MAST4: variants seen among roughly 807,000 people sequenced by gnomAD.
MAST4 encodes microtubule associated serine/threonine kinase family member 4, also known as microtubule-associated serine/threonine-protein kinase 4.
In MAST4, 89 loss-of-function variants were observed where a neutral mutation model predicts 162.7. The ratio of observed to expected loss-of-function variants is 0.55; its 90% CI spans 0.46 to 0.65. The LOEUF (loss-of-function observed/expected upper bound fraction) is 0.65. Ranked by LOEUF, MAST4 falls within the 30% of genes least tolerant of loss-of-function variation. The pLI is 0.00. For synonymous variants in MAST4, 1,479 were observed against 1,361.1 expected, an observed-to-expected ratio of 1.09 and a Z score of -1.91; for missense variants, 3,153 against 3,374.0, an observed-to-expected ratio of 0.93 and a Z score of 1.62.
chr5:66,816,220 T>G (rs915247869), intron 3 of MAST4, among the ~76,000 whole-genome samples: 1 of 152,158 alleles, frequency 6.6e-6, no homozygotes, highest in Admixed American at 6.5e-5. Flanking sequence ...AGATTTTTTT[T>G]TGTGATTCTT....
intron 4 of MAST4, among the ~76,000 whole-genome samples, chr5:67,002,657 T>C (rs1163149340): frequency 6.6e-6 from 1 of 152,176 alleles, no homozygotes; most frequent in Admixed American, 6.5e-5. Flanking sequence ...TGTGTAGACA[T>C]TGCGTGAAAG....
At chr5:67,009,012 C>T (rs1373402660) in intron 4 of MAST4, among the ~76,000 whole-genome samples, 2 of 152,074 alleles carry the variant, frequency 1.3e-5, no homozygotes, top group African/African-American at 4.8e-5. Flanking sequence ...GTTAGTAAAC[C>T]TGTACTCACC....
Position 66,756,748 on chromosome 5 carries a change from A to G in MAST4, c.364-2961A>G, listed in dbSNP as rs1753564748. Among the ~76,000 whole-genome samples the G allele has an allele frequency of 2.0e-5, 3 of 152,350 alleles. No individual in the cohort carries two copies. In the South Asian group the frequency reaches 6.2e-4, roughly 32 times the overall value. On this transcript the variant is annotated intron_variant, in intron 1 of 28. Coordinates refer to ENST00000403625, the MANE Select transcript of MAST4 (RefSeq NM_001164664.2). ...AGAAAGAATAGTAAAGCCACTGACAACAGAGCAAATTTGGAAAAATGATCT... is the reference window on the plus strand; with the variant it reads ...AGAAAGAATAGTAAAGCCACTGACAGCAGAGCAAATTTGGAAAAATGATCT...
chr5:67,155,225 C>T (rs1220866822), intron 26 of MAST4, among the ~76,000 whole-genome samples: 4 of 152,168 alleles, frequency 2.6e-5, no homozygotes, highest in Non-Finnish European at 4.4e-5. Flanking sequence ...CACTATCTTC[C>T]ATGCATAGGC....
chr5:66,816,194 T>C (rs1337121837), intron 3 of MAST4, among the ~76,000 whole-genome samples: 1 of 152,208 alleles, frequency 6.6e-6, no homozygotes, highest in Non-Finnish European at 1.5e-5. Flanking sequence ...TTTGTAAACT[T>C]TCTTGAAACA....
At chr5:66,970,013 G>A (rs960046621) in intron 4 of MAST4, among the ~76,000 whole-genome samples, 2 of 152,100 alleles carry the variant, frequency 1.3e-5, no homozygotes, top group East Asian at 1.9e-4. Context: ...TGTCATATAG[G>A]ATCAAATCTG....
At chr5:66,906,560 C>G (rs937789714) in intron 4 of MAST4, among the ~76,000 whole-genome samples, 1 of 152,146 alleles carries the variant, frequency 6.6e-6, no homozygotes, top group Non-Finnish European at 1.5e-5. Context: ...TACCACATGT[C>G]AAACATTCCA....
intron 2 of MAST4, among the ~76,000 whole-genome samples, chr5:66,777,362 A>G (rs1274390903): frequency 6.6e-6 from 1 of 152,212 alleles, no homozygotes; most frequent in African/African-American, 2.4e-5. Flanking sequence ...GCCTTTTGTC[A>G]GATGATAGGT....
chr5:66,985,131 C>G (rs116453830), intron 4 of MAST4, among the ~76,000 whole-genome samples: 5,075 of 152,108 alleles, frequency 0.033, 102 homozygotes, highest in Middle Eastern at 0.082. Context: ...CTGGAGGAGG[C>G]ATGACCAGAG....
chr5:66,684,596 C>T (rs535972420), intron 1 of MAST4, among the ~76,000 whole-genome samples: 1 of 152,302 alleles, frequency 6.6e-6, no homozygotes, highest in African/African-American at 2.4e-5. Context: ...GAATAAAAGT[C>T]AGGGTTGAAA....
chr5:67,139,205 C>T (rs1770069738), intron 19 of MAST4, among the ~76,000 whole-genome samples: 1 of 152,184 alleles, frequency 6.6e-6, no homozygotes, highest in African/African-American at 2.4e-5. Context: ...CGCAGGCCTG[C>T]CGTGCTGCTT....
Position 67,054,438 on chromosome 5 carries a change from A to C in MAST4, c.709A>C (p.Asn237His). 1 of 1,610,930 alleles carries C rather than the reference A, an allele frequency of 6.2e-7. No homozygotes were observed. Among genetic ancestry groups the C allele is most frequent in the Non-Finnish European group, 8.5e-7 (1 of 1,178,640 alleles). ...AAGCAACCGGAAAAGCTTAATAGGC[A>C]ATGGGCAGTCACCAGCATTGCCTCG... ...RTSNRKSLIG[N>H]GQSPALPRPH... The change falls in exon 5 of 29, where the codon AAT (asparagine) becomes CAT (histidine). Residue 237 changes from asparagine to histidine, a missense_variant. Transcript: ENST00000403625.
intron 1 of MAST4, among the ~76,000 whole-genome samples, chr5:66,680,283 G>A (rs754270511): frequency 3.2e-4 from 49 of 152,284 alleles, no homozygotes; most frequent in Admixed American, 1.1e-3. Context: ...GGATTCACTC[G>A]TTTGTAATCT....
chr5:67,094,551 G>A (rs1356928343), intron 6 of MAST4, among the ~76,000 whole-genome samples: 2 of 152,040 alleles, frequency 1.3e-5, no homozygotes, highest in African/African-American at 2.4e-5. Context: ...TTTTTAAAGT[G>A]TGTTTTTCCT....
intron 26 of MAST4, among the ~76,000 whole-genome samples, chr5:67,155,457 G>T (rs1772372907): frequency 6.6e-6 from 1 of 152,202 alleles, no homozygotes; most frequent in African/African-American, 2.4e-5. Context: ...TAGCATTACA[G>T]GTGGAGACGA....
In MAST4 at chr5:67,165,585, C is replaced by A; in HGVS notation, c.6406C>A (p.Pro2136Thr). ...AAGGCATCCCAGCAGCATCCCTCCGCCCCCTCTGACGGCCAAAGACCTGTC... is the reference window on the plus strand; with the variant it reads ...AAGGCATCCCAGCAGCATCCCTCCGACCCCTCTGACGGCCAAAGACCTGTC... ...LQRHPSSIPP[P>T]PLTAKDLSSP... The change falls in exon 29 of 29, where the codon CCC (proline) becomes ACC (threonine). Residue 2136 changes from proline (P) to threonine (T), a missense_variant. Pro to Thr is a conservative substitution (Grantham distance 38, BLOSUM62 -1). Transcript: ENST00000403625. 6.2e-7 allele frequency: 1 copy of A among 1,613,872 alleles called. No individual in the cohort carries two copies. Among genetic ancestry groups the A allele is most frequent in the Non-Finnish European group, 8.5e-7 (1 of 1,179,824 alleles).
intron 1 of MAST4, among the ~76,000 whole-genome samples, chr5:66,605,247 AG>A (rs1186720605): frequency 1.3e-5 from 2 of 152,140 alleles, no homozygotes; most frequent in Admixed American, 6.5e-5. Context: ...CAAGAAGAGG[AG>A]GGGAGGATTG....
At chr5:66,879,874 A>C (rs183148431) in intron 3 of MAST4, among the ~76,000 whole-genome samples, 2 of 152,308 alleles carry the variant, frequency 1.3e-5, no homozygotes, top group South Asian at 4.2e-4. Flanking sequence ...GCAGATGGCA[A>C]ATTGTCAATG....
At chr5:66,844,819 A>G (rs1211700445) in intron 3 of MAST4, among the ~76,000 whole-genome samples, 3 of 151,916 alleles carry the variant, frequency 2.0e-5, no homozygotes, top group African/African-American at 7.3e-5. Flanking sequence ...TCAGTGGTTG[A>G]GTTTGGCGGT....
Sources: allele counts gnomAD v4.1 joint callset (sites outside exome capture counted in the v4.1 genomes callset), GRCh38; gene constraint gnomAD v4.1.1; transcripts MANE v1.5; gene names NCBI Gene and HGNC (gene_info 2026-07-23, HGNC 2026-07-21).